Variants in MACF1 observed in about 807,000 individuals in gnomAD.
MACF1 encodes the protein microtubule actin crosslinking factor 1.
Under a neutral mutation model 854.8 loss-of-function variants are expected in MACF1, and 193 were observed. The ratio of observed to expected loss-of-function variants is 0.23; its 90% CI spans 0.20 to 0.25. The LOEUF is 0.25. Ranked by LOEUF, MACF1 falls within the 10% of genes least tolerant of loss-of-function variation. MACF1 has a pLI of 1.00. For synonymous variants in MACF1, 3,185 were observed against 3,226.7 expected (o/e 0.99, Z 0.44); for missense variants, 7,722 against 8,929.1 (o/e 0.86, Z 5.45).
chr1:39,430,139 C>A, intron 65 of MACF1, 71 bp downstream of exon 65: 2 of 1,508,236 alleles, frequency 1.3e-6, no homozygotes, highest in Non-Finnish European at 8.9e-7. Flanking sequence ...TTTTATCAAC[C>A]TTTACCTTAA....
chr1:39,123,715 TTG>T (rs1491201372), intron 2 of MACF1, among the ~76,000 whole-genome samples: 3 of 92,720 alleles, frequency 3.2e-5, no homozygotes, highest in Non-Finnish European at 4.6e-5. Context: ...AATTCTTGTT[TTG>T]TTTTTTTTTT....
chr1:39,373,636 T>G (rs1649449761), intron 52 of MACF1, among the ~76,000 whole-genome samples: 1 of 151,364 alleles, frequency 6.6e-6, no homozygotes, highest in Non-Finnish European at 1.5e-5. Flanking sequence ...GCTGATCACT[T>G]GAGGTCGGGA....
chr1:39,312,749 C>T (rs545837651), intron 26 of MACF1, among the ~76,000 whole-genome samples: 12 of 151,714 alleles, frequency 7.9e-5, no homozygotes, highest in Non-Finnish European at 1.0e-4. Flanking sequence ...CACTTGAACC[C>T]GGGAGGTGGA....
At chr1:39,478,391 T>G (rs1480787262) in intron 97 of MACF1, among the ~76,000 whole-genome samples, 1 of 152,126 alleles carries the variant, frequency 6.6e-6, no homozygotes, top group Admixed American at 6.5e-5. Flanking sequence ...CATTAAGTCA[T>G]AGATCATCCA....
rs1443209892 is a variant in MACF1, at chr1:39,302,964, A to T, written c.2675A>T (p.Asn892Ile). The T allele has an allele frequency of 2.1e-5, 34 of 1,614,186 alleles. No homozygotes were observed. The highest frequency in any genetic ancestry group is 2.9e-5 in the Non-Finnish European group (34 of 1,180,014). Residue 892 changes from asparagine to isoleucine, a missense_variant, in exon 23 of 101, where the codon AAT (asparagine) becomes ATT (isoleucine). Coordinates refer to ENST00000564288, the MANE Select transcript of MACF1 (RefSeq NM_001394062.1). ...AATGATGAATGTGTGCTAGAAGATA[A>T]TTCTCAGCGGACCAAATGGAAAGTG... ...CKNDECVLED[N>I]SQRTKWKVIS... is the part of the protein sequence containing the mutation.
chr1:39,469,663 G>A lies in MACF1; in HGVS notation c.21958+48G>A. The A allele has an allele frequency of 2.1e-6, 3 of 1,404,904 alleles. No individual in the cohort carries two copies. In the South Asian group the frequency reaches 3.7e-5, roughly 17 times the overall value. 87.0% of individuals were successfully genotyped at this position (1,404,904 alleles called of 1,614,324 possible). On this transcript the variant is annotated intron_variant, in intron 97 of 100. Coordinates refer to ENST00000564288, the MANE Select transcript of MACF1 (RefSeq NM_001394062.1). The stretch of plus-strand genomic sequence containing the variant: ...TCTTCCTCACACCCTAGCCCATTGA[G>A]AATGGCTTTGCTTCTTAAACTGTAA...
chr1:39,101,676 T>A (rs188219110), intron 2 of MACF1, among the ~76,000 whole-genome samples: 94 of 149,624 alleles, frequency 6.3e-4, no homozygotes, highest in African/African-American at 2.2e-3. Flanking sequence ...TAAAAAAAAT[T>A]AGCTGGGCAT....
intron 1 of MACF1, among the ~76,000 whole-genome samples, chr1:39,218,593 A>G (rs1205558171): frequency 1.3e-5 from 2 of 152,068 alleles, no homozygotes; most frequent in Admixed American, 6.6e-5. Context: ...TCTAAGAACT[A>G]TTGAGCTTTT....
Position 39,481,399 on chromosome 1 carries a change from A to G in MACF1, c.22281+369A>G, listed in dbSNP as rs558262411. On this transcript the variant is annotated intron_variant, in intron 99 of 100. Transcript: ENST00000564288. ...AGTTATGAACACTTGAAATTCAACT[A>G]TGGCGCATGTTCTACAATGTTCTGT... Among the ~76,000 whole-genome samples the G allele has an allele frequency of 3.9e-5, 6 of 152,334 alleles. No individual in the cohort carries two copies. In the East Asian group the frequency reaches 1.2e-3, roughly 29 times the overall value.
intron 2 of MACF1, among the ~76,000 whole-genome samples, chr1:39,136,946 T>C (rs1235690320): frequency 2.0e-5 from 3 of 152,232 alleles, no homozygotes; most frequent in Non-Finnish European, 2.9e-5. Context: ...TTTTTCCTCA[T>C]GCAACTTTCT....
chr1:39,351,472 A>G (rs890749681), intron 43 of MACF1, among the ~76,000 whole-genome samples: 2 of 151,214 alleles, frequency 1.3e-5, no homozygotes, highest in Non-Finnish European at 2.9e-5. Context: ...TCCTCCCCAA[A>G]CCCCCAAACA....
intron 2 of MACF1, among the ~76,000 whole-genome samples, chr1:39,164,930 G>C (rs1347787594): frequency 6.6e-6 from 1 of 152,220 alleles, no homozygotes; most frequent in African/African-American, 2.4e-5. Context: ...CTTCTGTTAT[G>C]TGGGACTGAT....
intron 26 of MACF1, 106 bp from the exon 27 acceptor site, chr1:39,315,407 G>T (rs1646393005): frequency 1.1e-6 from 1 of 900,256 alleles, no homozygotes; most frequent in Admixed American, 2.2e-5. Flanking sequence ...TCCTATATAT[G>T]GGCATTTAGG....
In MACF1 at chr1:39,379,343, C is replaced by T. The variant is rs750364641; in HGVS notation, c.13417C>T (p.Leu4473=). The T allele has an allele frequency of 1.2e-6, 2 of 1,614,108 alleles. No individual in the cohort carries two copies. The highest frequency in any genetic ancestry group is 1.7e-6 in the Non-Finnish European group (2 of 1,180,000). ...EEVHKEANSV[L]QWLESKEEVL... ...GGTTCACAAGGAGGCAAACTCTGTGCTGCAGTGGCTGGAATCAAAAGAGGA... is the reference window on the plus strand; with the variant it reads ...GGTTCACAAGGAGGCAAACTCTGTGTTGCAGTGGCTGGAATCAAAAGAGGA... The change falls in exon 54 of 101, where the codon CTG becomes TTG. Residue 4473 remains leucine, a synonymous_variant. Transcript: ENST00000564288.
chr1:39,227,623 A>C (rs1557529383), intron 1 of MACF1, among the ~76,000 whole-genome samples: 1 of 152,188 alleles, frequency 6.6e-6, no homozygotes, highest in Non-Finnish European at 1.5e-5. Context: ...GTCATTCTCC[A>C]ATTTAAAATC....
intron 97 of MACF1, among the ~76,000 whole-genome samples, chr1:39,473,287 A>G (rs919811086): frequency 6.6e-6 from 1 of 152,216 alleles, no homozygotes; most frequent in African/African-American, 2.4e-5. Flanking sequence ...TAACAGGGTC[A>G]TGATATAGGA....
At chr1:39,351,160 T>C in intron 43 of MACF1, 142 bp downstream of exon 43, 1 of 621,864 alleles carries the variant, frequency 1.6e-6, no homozygotes, top group Non-Finnish European at 2.7e-6. Context: ...AGTCTGGTTT[T>C]TGTTTTTTGA....
chr1:39,485,984 G>C lies in MACF1; in HGVS notation c.*190G>C. 5.3e-6 allele frequency: 3 copies of C among 567,548 alleles called. No homozygotes were observed. The highest frequency in any genetic ancestry group is 5.3e-6 in the Non-Finnish European group (2 of 376,860). The allele number at this position is 567,548 out of a possible 1,614,324, so 35.2% of individuals were successfully genotyped here. On this transcript the variant is annotated 3_prime_UTR_variant, in exon 101 of 101. Coordinates refer to ENST00000564288, the MANE Select transcript of MACF1 (RefSeq NM_001394062.1). ...GTGAATATTTATGTAGATAAAATTTGCCTCCTGGTAACCCTGTAATGGATG... is the reference window on the plus strand; with the variant it reads ...GTGAATATTTATGTAGATAAAATTTCCCTCCTGGTAACCCTGTAATGGATG...
chr1:39,393,603 G>A (rs1642144103), intron 58 of MACF1, among the ~76,000 whole-genome samples: 1 of 151,978 alleles, frequency 6.6e-6, no homozygotes. Flanking sequence ...GAGCCCAGGA[G>A]TTCGAGACCA....
Sources: gnomAD v4.1 joint callset for allele counts (sites outside exome capture counted in the v4.1 genomes callset) on GRCh38, gnomAD v4.1.1 for gene constraint, MANE v1.5 for transcripts, NCBI Gene and HGNC (gene_info 2026-07-23, HGNC 2026-07-21) for gene names.